PTPRG: variants seen among roughly 807,000 people sequenced by gnomAD.
PTPRG encodes the protein protein tyrosine phosphatase receptor type G.
In PTPRG, 102 loss-of-function variants were observed where a neutral mutation model predicts 165.3. That is an observed-to-expected ratio of 0.62 (90% CI 0.53 to 0.73). PTPRG has a LOEUF of 0.73. Ranked by LOEUF, PTPRG falls within the 30% of genes least tolerant of loss-of-function variation. The pLI is 0.00. For missense variants in PTPRG, 1,866 were observed against 1,861.4 expected (o/e 1.00, Z -0.05); for synonymous variants, 675 against 669.5 (o/e 1.01, Z -0.13).
intron 8 of PTPRG, among the ~76,000 whole-genome samples, chr3:62,191,069 G>T (rs1351192516): frequency 6.6e-6 from 1 of 152,184 alleles, no homozygotes; most frequent in Admixed American, 6.5e-5. Context: ...GTGTGCGCAT[G>T]TGCATCTGTG....
At chr3:62,004,331 T>C (rs910474582) in intron 4 of PTPRG, among the ~76,000 whole-genome samples, 2 of 152,334 alleles carry the variant, frequency 1.3e-5, no homozygotes, top group East Asian at 1.9e-4. Context: ...AATAGTCCTA[T>C]AGACAGTTGC....
chr3:61,836,093 A>G (rs1377977727), intron 2 of PTPRG, among the ~76,000 whole-genome samples: 1 of 138,454 alleles, frequency 7.2e-6, no homozygotes, highest in East Asian at 2.1e-4. Flanking sequence ...ATATACACAC[A>G]CACACACCTG....
At chr3:62,039,256 TG>T (rs1225970431) in intron 4 of PTPRG, among the ~76,000 whole-genome samples, 6 of 136,990 alleles carry the variant, frequency 4.4e-5, no homozygotes, top group Non-Finnish European at 7.9e-5. Context: ...TTTTTTTTTT[TG>T]GTTTTGTTTT....
chr3:62,209,851 C>G (rs1332319415), intron 12 of PTPRG, among the ~76,000 whole-genome samples: 1 of 152,136 alleles, frequency 6.6e-6, no homozygotes, highest in Non-Finnish European at 1.5e-5. Context: ...CCACTAAGAA[C>G]AATTAGATTT....
intron 1 of PTPRG, among the ~76,000 whole-genome samples, chr3:61,729,488 C>T (rs750626243): frequency 2.0e-5 from 3 of 152,150 alleles, no homozygotes; most frequent in Non-Finnish European, 4.4e-5. Flanking sequence ...TTAATTTAGA[C>T]CTTGTAAGAC....
At chr3:62,078,036 G>A in intron 4 of PTPRG, 127 bp from the exon 5 acceptor site, 1 of 531,552 alleles carries the variant, frequency 1.9e-6, no homozygotes. Context: ...GGAAAAATAT[G>A]AACAGGTGAA....
chr3:61,671,807 C>T (rs868029894), intron 1 of PTPRG, among the ~76,000 whole-genome samples: 2,273 of 85,916 alleles, frequency 0.026, 2 homozygotes, highest in African/African-American at 0.047. Context: ...GGCGGCTGGC[C>T]GGGCAGAGGG....
At chr3:61,955,563 G>C (rs1448527326) in intron 2 of PTPRG, among the ~76,000 whole-genome samples, 1 of 152,104 alleles carries the variant, frequency 6.6e-6, no homozygotes, top group African/African-American at 2.4e-5. Flanking sequence ...ATGTATGCTT[G>C]GATCCTGAGC....
At chr3:61,931,053 G>T (rs939215139) in intron 2 of PTPRG, among the ~76,000 whole-genome samples, 5 of 152,102 alleles carry the variant, frequency 3.3e-5, no homozygotes, top group African/African-American at 1.2e-4. Context: ...AGAGTGCAGC[G>T]CCTAATTCAT....
chr3:61,897,546 A>G lies in PTPRG; in HGVS notation c.191-92079A>G, dbSNP rs191117900. Among the ~76,000 whole-genome samples, 4 of 152,254 alleles carry G rather than the reference A, an allele frequency of 2.6e-5. No homozygotes were observed. The East Asian group carries it at 5.8e-4, about 22-fold the overall frequency. Reference sequence around the variant, plus strand: ...ATTCTTCTCTCTCGATTGTTCTGTCAAGATTTTTGTAGCCATTCTAGGGCC... The same window carrying G: ...ATTCTTCTCTCTCGATTGTTCTGTCGAGATTTTTGTAGCCATTCTAGGGCC... On this transcript the variant is annotated intron_variant, in intron 2 of 29. Transcript: ENST00000474889.
intron 6 of PTPRG, among the ~76,000 whole-genome samples, chr3:62,155,051 C>G (rs1182426716): frequency 1.3e-5 from 2 of 152,210 alleles, no homozygotes; most frequent in Admixed American, 1.3e-4. Flanking sequence ...CTGCTGGTAA[C>G]CAGGTTTAAA....
At chr3:61,716,004 C>G (rs1362580392) in intron 1 of PTPRG, among the ~76,000 whole-genome samples, 5 of 152,104 alleles carry the variant, frequency 3.3e-5, no homozygotes, top group African/African-American at 1.2e-4. Context: ...TAATGACATA[C>G]TGGATGGAGA....
At chr3:61,974,973 G>A (rs2040468502) in intron 2 of PTPRG, among the ~76,000 whole-genome samples, 1 of 152,204 alleles carries the variant, frequency 6.6e-6, no homozygotes, top group African/African-American at 2.4e-5. Flanking sequence ...ATAGCAAGAA[G>A]TTTAACGAGA....
Position 62,105,297 on chromosome 3 carries a change from A to T in PTPRG, c.615+27039A>T, listed in dbSNP as rs184942296. On this transcript the variant is annotated intron_variant, in intron 5 of 29. Transcript: ENST00000474889. ...GCAGGAGTAGCCAAATAGCTATATT[A>T]ATGTTCTGGTGTGTGATCTGAGTTA... Among the ~76,000 whole-genome samples, 17 of 152,314 alleles carry T rather than the reference A, an allele frequency of 1.1e-4. No individual in the cohort carries two copies. In the East Asian group the frequency reaches 3.3e-3, roughly 29 times the overall value.
At chr3:62,031,378 C>T (rs1699764513) in intron 4 of PTPRG, among the ~76,000 whole-genome samples, 1 of 152,094 alleles carries the variant, frequency 6.6e-6, no homozygotes, top group African/African-American at 2.4e-5. Flanking sequence ...CCAGGGAAAA[C>T]TGCAGCAAGC....
intron 1 of PTPRG, among the ~76,000 whole-genome samples, chr3:61,664,786 G>A (rs1702760557): frequency 1.3e-5 from 2 of 152,120 alleles, no homozygotes; most frequent in South Asian, 2.1e-4. Flanking sequence ...AGCCGAGATC[G>A]CGCCATTGCA....
chr3:61,821,416 G>A (rs373090192), intron 2 of PTPRG, among the ~76,000 whole-genome samples: 3 of 152,226 alleles, frequency 2.0e-5, no homozygotes, highest in Middle Eastern at 3.4e-3. Context: ...TGATCCACCC[G>A]CCTCGGCCTC....
intron 4 of PTPRG, among the ~76,000 whole-genome samples, chr3:62,016,861 A>C (rs2041557573): frequency 6.6e-6 from 1 of 152,102 alleles, no homozygotes. Flanking sequence ...CTCCCTGATT[A>C]TCCCTCACTC....
At chr3:61,813,387 C>G (rs1487732863) in intron 2 of PTPRG, among the ~76,000 whole-genome samples, 3 of 146,338 alleles carry the variant, frequency 2.1e-5, no homozygotes, top group African/African-American at 5.1e-5. Context: ...TGGTGACATG[C>G]ACCTGTAATC....
Sources: allele counts gnomAD v4.1 joint callset (sites outside exome capture counted in the v4.1 genomes callset), GRCh38; gene constraint gnomAD v4.1.1; transcripts MANE v1.5; gene names NCBI Gene and HGNC (gene_info 2026-07-23, HGNC 2026-07-21).